GNB1: variants seen among roughly 807,000 people sequenced by gnomAD.
GNB1 encodes guanine nucleotide-binding protein G(I)/G(S)/G(T) subunit beta-1.
In GNB1, 2 loss-of-function variants were observed where a neutral mutation model predicts 42.9. The observed-to-expected ratio is 0.05, with a 90% CI of 0.02 to 0.15. The LOEUF (loss-of-function observed/expected upper bound fraction) is 0.15. Ranked by LOEUF, GNB1 falls within the 10% of genes least tolerant of loss-of-function variation. The probability of loss-of-function intolerance (pLI) is 1.00; values close to 1 mark genes in which losing one functional copy is unlikely to be tolerated. For missense variants in GNB1, 193 were observed against 462.2 expected (o/e 0.42, Z 5.34); for synonymous variants, 183 against 174.7 (o/e 1.05, Z -0.38).
In GNB1 at chr1:1,787,326, T is replaced by G. The variant is rs1570614855; in HGVS notation, c.*5A>C. On this transcript the variant is annotated 3_prime_UTR_variant, in exon 11 of 12. Transcript: ENST00000378609. This position sits in a 1 kb window ranked among gnomAD's most constrained non-coding sequence, Gnocchi z 4.4. ...GCATTTGGGCTGCTGCATTACCTAC[T>G]GGCGTTAGTTCCAGATCTTGAGGAA... The G allele has an allele frequency of 6.5e-7, 1 of 1,542,016 alleles. No individual in the cohort carries two copies. Among genetic ancestry groups the G allele is most frequent in the Non-Finnish European group, 9.0e-7 (1 of 1,114,832 alleles).
intron 7 of GNB1, chr1:1,794,231 T>C (rs1342280098): frequency 6.6e-6 from 1 of 152,076 alleles, no homozygotes; most frequent in South Asian, 2.1e-4. Flanking sequence ...TGATGACTGG[T>C]CTCTACTAAA....
At chr1:1,865,953 T>A (rs185706312) in intron 1 of GNB1, among the ~76,000 whole-genome samples, 18 of 152,262 alleles carry the variant, frequency 1.2e-4, no homozygotes, top group African/African-American at 3.6e-4. Context: ...ATTTATTTTT[T>A]TTTTTTTTGA....
intron 1 of GNB1, among the ~76,000 whole-genome samples, chr1:1,885,067 T>A (rs927681196): frequency 2.6e-5 from 4 of 152,064 alleles, no homozygotes; most frequent in Non-Finnish European, 4.4e-5. Flanking sequence ...AGCAATGAAT[T>A]ATTAAATCAT....
rs924997399 is a variant in GNB1, at chr1:1,790,167, TAG to T, written c.699+226_699+227del. ...CAGGATCCCAACCACTGCTCAGCTG[TAG>T]AGGTGGGAACGGGGACTGGCATACA... On this transcript the variant is annotated intron_variant, in intron 9 of 11. Transcript: ENST00000378609. The surrounding 1 kb of genome is among the most constrained non-coding windows in gnomAD (Gnocchi z 5.4). Among the ~76,000 whole-genome samples the T allele has an allele frequency of 1.5e-4, 23 of 152,116 alleles. No homozygotes were observed. Among genetic ancestry groups the T allele is most frequent in the African/African-American group, 5.3e-4 (22 of 41,402 alleles).
intron 7 of GNB1, 69 bp downstream of exon 7, chr1:1,804,350 T>G (rs1646667652): frequency 2.0e-6 from 2 of 1,000,586 alleles, no homozygotes; most frequent in South Asian, 1.3e-5. Flanking sequence ...AAAGTGAGTA[T>G]CCAAAGCATA....
chr1:1,797,921 T>C (rs1570630445), intron 7 of GNB1, among the ~76,000 whole-genome samples: 1 of 152,150 alleles, frequency 6.6e-6, no homozygotes, highest in African/African-American at 2.4e-5. Context: ...AGTCCCTCAC[T>C]AGTCCTCCTC....
At chr1:1,795,474 T>A (rs1157936241) in intron 7 of GNB1, among the ~76,000 whole-genome samples, 4 of 152,128 alleles carry the variant, frequency 2.6e-5, no homozygotes, top group Non-Finnish European at 5.9e-5. Context: ...CATGAAAGAA[T>A]CATGACCTTG....
intron 10 of GNB1, 39 bp downstream of exon 10, chr1:1,789,014 A>G (rs754361292): frequency 7.2e-7 from 1 of 1,393,334 alleles, no homozygotes; most frequent in Non-Finnish European, 1.0e-6. Context: ...ATACCACGTA[A>G]ATGTCCACAA....
intron 8 of GNB1, among the ~76,000 whole-genome samples, chr1:1,791,037 AG>A (rs1646474800): frequency 1.3e-5 from 2 of 152,190 alleles, no homozygotes; most frequent in South Asian, 4.1e-4. Flanking sequence ...TCCCCTCCAC[AG>A]GGTCTCAGAA....
At chr1:1,883,649 G>A (rs1023511034) in intron 1 of GNB1, among the ~76,000 whole-genome samples, 1 of 152,202 alleles carries the variant, frequency 6.6e-6, no homozygotes, top group Non-Finnish European at 1.5e-5. Flanking sequence ...GATAAGGACA[G>A]ACACAGAAGT....
chr1:1,840,624 C>G (rs939691540), intron 1 of GNB1, among the ~76,000 whole-genome samples: 2 of 152,248 alleles, frequency 1.3e-5, no homozygotes, highest in African/African-American at 4.8e-5. Flanking sequence ...TTTGGCATGA[C>G]AGTGGAGAGC....
At chr1:1,862,058 C>A (rs565672376) in intron 1 of GNB1, among the ~76,000 whole-genome samples, 1 of 151,994 alleles carries the variant, frequency 6.6e-6, no homozygotes, top group Non-Finnish European at 1.5e-5. Context: ...CAGAGTGAGA[C>A]TCCATCTCAA....
chr1:1,807,877 C>A (rs947370702), intron 5 of GNB1, among the ~76,000 whole-genome samples: 1 of 151,776 alleles, frequency 6.6e-6, no homozygotes, highest in African/African-American at 2.4e-5. Flanking sequence ...CCAGCTAATT[C>A]TTTTTGTATT....
intron 1 of GNB1, among the ~76,000 whole-genome samples, chr1:1,881,766 C>T (rs1156720879): frequency 2.0e-5 from 3 of 152,172 alleles, no homozygotes; most frequent in African/African-American, 4.8e-5. Context: ...CTCTCCTAGC[C>T]CTTTGGAACT....
intron 7 of GNB1, among the ~76,000 whole-genome samples, chr1:1,797,933 G>A (rs555820160): frequency 1.2e-4 from 18 of 152,268 alleles, no homozygotes; most frequent in African/African-American, 2.6e-4. Flanking sequence ...GTCCTCCTCC[G>A]ACAGGTGGTT....
intron 2 of GNB1, among the ~76,000 whole-genome samples, chr1:1,835,701 A>G (rs956719891): frequency 1.3e-5 from 2 of 152,136 alleles, no homozygotes; most frequent in Non-Finnish European, 2.9e-5. Context: ...TTATGAGAAC[A>G]TCTGCTTTCA....
chr1:1,840,389 G>A (rs1375608298), intron 1 of GNB1, among the ~76,000 whole-genome samples: 5 of 152,264 alleles, frequency 3.3e-5, no homozygotes, highest in East Asian at 1.9e-4. Context: ...TTCGCCGAGC[G>A]TAGTGGCAGG....
Position 1,787,475 on chromosome 1 carries a change from G to T in GNB1, c.917-38C>A. 8.0e-7 allele frequency: 1 copy of T among 1,250,674 alleles called. No individual in the cohort carries two copies. The allele number at this position is 1,250,674 out of a possible 1,614,324, so 77.5% of individuals were successfully genotyped here. A position where few individuals can be genotyped will look rare whatever the true frequency, so the allele number is the denominator to read the frequency against. On this transcript the variant is annotated intron_variant, in intron 10 of 11. Transcript: ENST00000378609. This position sits in a 1 kb window ranked among gnomAD's most constrained non-coding sequence, Gnocchi z 4.4. ...AACAGCAGAATCACACCAAAGCCCA[G>T]AGGCATCGATCTCACCTGTGTGCCA... is the stretch of plus-strand genomic sequence containing the variant.
intron 1 of GNB1, among the ~76,000 whole-genome samples, chr1:1,879,848 TAC>T (rs771188713): frequency 3.9e-5 from 6 of 152,268 alleles, no homozygotes; most frequent in South Asian, 4.1e-4. Flanking sequence ...CCTGATGCAA[TAC>T]ACAGTTTTAG....
Sources: allele counts gnomAD v4.1 joint callset (sites outside exome capture counted in the v4.1 genomes callset), GRCh38; gene constraint gnomAD v4.1.1; non-coding constraint Gnocchi (gnomAD v3.1); transcripts MANE v1.5; gene names NCBI Gene and HGNC (gene_info 2026-07-23, HGNC 2026-07-21).